Variants in HTR3D observed in about 807,000 individuals in gnomAD.
HTR3D encodes the protein 5-hydroxytryptamine (serotonin) receptor 3 family member D.
HTR3D carries 47 observed loss-of-function variants against 45.8 expected under a neutral mutation model. That is an observed-to-expected ratio of 1.03 (90% CI 0.81 to 1.31). The LOEUF (loss-of-function observed/expected upper bound fraction) is 1.31. Among genes scored for constraint, HTR3D ranks in the 50% most tolerant of loss-of-function variants. HTR3D has a pLI of 0.00. For missense variants in HTR3D, 448 were observed against 506.9 expected (o/e 0.88, Z 1.12); for synonymous variants, 203 against 199.8 (o/e 1.02, Z -0.13).
chr3:184,031,813 T>A lies in HTR3D; in HGVS notation c.66+6T>A, dbSNP rs75361486. The A allele has an allele frequency of 3.6e-3, 5,518 of 1,548,608 alleles. 90 individuals are homozygous for A. The African/African-American group carries it at 0.039, about 11-fold the overall frequency. On this transcript the variant is annotated splice_donor_region_variant and intron_variant, in intron 1 of 7. Coordinates refer to ENST00000428798, the MANE Select transcript of HTR3D (RefSeq NM_001145143.1). Reference sequence around the variant, plus strand: ...TCCTCCACCTGCTGCTGCAAGTACCTTAAGATAAGAGCAAGAGCTGAGCAG... The same window carrying A: ...TCCTCCACCTGCTGCTGCAAGTACCATAAGATAAGAGCAAGAGCTGAGCAG...
rs1722851539 is a variant in HTR3D, at chr3:184,035,196, G to A, written c.85G>A (p.Val29Met). The A allele has an allele frequency of 6.4e-7, 1 of 1,552,140 alleles. No individual in the cohort carries two copies. The highest frequency in any genetic ancestry group is 8.7e-7 in the Non-Finnish European group (1 of 1,147,094). ...ATTCCAGGATTCACACCTTCAACTG[G>A]TGACATCGTTCCTGTGGCTAAATAT... is the stretch of plus-strand genomic sequence containing the variant. ...LLLQDSHLQLVTSFLWLNMWN... is the reference protein window; with the variant it reads ...LLLQDSHLQLMTSFLWLNMWN... Residue 29 changes from valine (V) to methionine (M), a missense_variant, in exon 2 of 8, where the codon GTG (valine) becomes ATG (methionine). Physicochemically the swap from Val to Met is conservative, Grantham distance 21. Coordinates refer to ENST00000428798, the MANE Select transcript of HTR3D (RefSeq NM_001145143.1).
chr3:184,036,361 C>T lies in HTR3D; in HGVS notation c.198-14C>T. ...CAGCACCTACCTCCCTGTCCTTCTCCCACACAGCATCAGTGTGGATCAGAC... is the reference window on the plus strand; with the variant it reads ...CAGCACCTACCTCCCTGTCCTTCTCTCACACAGCATCAGTGTGGATCAGAC... On this transcript the variant is annotated splice_polypyrimidine_tract_variant and intron_variant, in intron 3 of 7. Coordinates refer to ENST00000428798, the MANE Select transcript of HTR3D (RefSeq NM_001145143.1). The T allele has an allele frequency of 6.2e-7, 1 of 1,613,518 alleles. No individual in the cohort carries two copies. Among genetic ancestry groups the T allele is most frequent in the East Asian group, 2.2e-5 (1 of 44,876 alleles).
chr3:184,031,844 T>G, intron 1 of HTR3D, 37 bp downstream of exon 1: 2 of 1,434,286 alleles, frequency 1.4e-6, no homozygotes, highest in African/African-American at 1.4e-5. Context: ...AGCAGACATG[T>G]AACTCCTGGG....
chr3:184,038,047 C>A lies in HTR3D; in HGVS notation c.543C>A (p.Pro181=). The A allele has an allele frequency of 6.2e-7, 1 of 1,614,206 alleles. No homozygotes were observed. The highest frequency in any genetic ancestry group is 1.3e-5 in the African/African-American group (1 of 75,044). ...TGGCCATCAGGCGCAGGTGCAGGCC[C>A]AGCCCCTACGTGGTAAACTTTCTGG... is the stretch of plus-strand genomic sequence containing the variant. ...FHVAIRRRCR[P]SPYVVNFLVP... is the part of the protein sequence containing the mutation. The change falls in exon 6 of 8, where the codon CCC becomes CCA. Residue 181 remains proline, a synonymous_variant. Coordinates refer to ENST00000428798, the MANE Select transcript of HTR3D (RefSeq NM_001145143.1). This position sits in a 1 kb window ranked among gnomAD's most constrained non-coding sequence, Gnocchi z 4.5.
At chr3:184,034,883 C>T (rs944865045) in intron 1 of HTR3D, among the ~76,000 whole-genome samples, 4 of 152,022 alleles carry the variant, frequency 2.6e-5, no homozygotes, top group African/African-American at 7.3e-5. Context: ...GTGCATTCGG[C>T]GGGGGTGAGG....
chr3:184,034,455 G>T (rs1444670341), intron 1 of HTR3D, among the ~76,000 whole-genome samples: 11 of 152,198 alleles, frequency 7.2e-5, no homozygotes, highest in African/African-American at 2.7e-4. Flanking sequence ...TTTAACGGGT[G>T]TAGAGTTTCC....
chr3:184,038,560 A>C lies in HTR3D; in HGVS notation c.921A>C (p.Arg307Ser), dbSNP rs1420482568. The C allele has an allele frequency of 1.2e-6, 2 of 1,613,698 alleles. No individual in the cohort carries two copies. Among genetic ancestry groups the C allele is most frequent in the African/African-American group, 2.7e-5 (2 of 74,836 alleles). ...SLLLHCTGQG[R>S]CCPTAPQKGN... Reference sequence around the variant, plus strand: ...TGCTGCACTGCACCGGCCAAGGGAGATGCTGTCCCACTGCGCCCCAGAAGG... The same window carrying C: ...TGCTGCACTGCACCGGCCAAGGGAGCTGCTGTCCCACTGCGCCCCAGAAGG... Residue 307 changes from arginine to serine, a missense_variant, in exon 7 of 8, where the codon AGA becomes AGC. Arg to Ser is a moderately radical substitution (Grantham distance 110). Coordinates refer to ENST00000428798, the MANE Select transcript of HTR3D (RefSeq NM_001145143.1). This position sits in a 1 kb window ranked among gnomAD's most constrained non-coding sequence, Gnocchi z 4.5.
intron 3 of HTR3D, 50 bp from the exon 4 acceptor site, chr3:184,036,325 G>A: frequency 6.2e-7 from 1 of 1,601,168 alleles, no homozygotes; most frequent in South Asian, 1.1e-5. Flanking sequence ...CAAGTCTGAT[G>A]GGGAAACCCA....
Position 184,038,075 on chromosome 3 carries a change from C to T in HTR3D, c.571C>T (p.Pro191Ser). Residue 191 changes from proline to serine, a missense_variant, in exon 6 of 8, where the codon CCC becomes TCC. Transcript: ENST00000428798. The surrounding 1 kb of genome is among the most constrained non-coding windows in gnomAD (Gnocchi z 4.5). Reference protein sequence around the residue: ...PSPYVVNFLVPSGILIAIDAL... With the variant: ...PSPYVVNFLVSSGILIAIDAL... The stretch of plus-strand genomic sequence containing the variant: ...CCCCTACGTGGTAAACTTTCTGGTG[C>T]CCAGTGGCATTCTGATTGCCATCGA... The T allele has an allele frequency of 6.2e-7, 1 of 1,614,140 alleles. No homozygotes were observed. The highest frequency in any genetic ancestry group is 1.6e-4 in the Middle Eastern group (1 of 6,062).
At chr3:184,033,004 C>G (rs1481620965) in intron 1 of HTR3D, 1 of 1,551,974 alleles carries the variant, frequency 6.4e-7, no homozygotes, top group Non-Finnish European at 8.7e-7. Flanking sequence ...CAGTCACCAA[C>G]TACAGTGTCG....
intron 1 of HTR3D, chr3:184,032,808 C>A: frequency 6.6e-7 from 1 of 1,515,154 alleles, no homozygotes. Flanking sequence ...CATGCTTCTC[C>A]CAGTGCCCCC....
At chr3:184,031,551 C>T (rs930934412), upstream of HTR3D, 1 of 548,856 alleles carries the variant, frequency 1.8e-6, no homozygotes. Flanking sequence ...AGGCTAGATT[C>T]AGGCCCAGTT....
At position 184,031,801 on chromosome 3, in the gene HTR3D, G is replaced by C; in HGVS notation, c.60G>C (p.Leu20=). 4.5e-6 allele frequency: 7 copies of C among 1,550,814 alleles called. No individual in the cohort carries two copies. The highest frequency in any genetic ancestry group is 5.2e-6 in the Non-Finnish European group (6 of 1,146,304). ...GFLLGFILHL[L]LQDSHLQLVT... ...TCCTTGGCTTCATCCTCCACCTGCT[G>C]CTGCAAGTACCTTAAGATAAGAGCA... The change falls in exon 1 of 8, where the codon CTG becomes CTC. Residue 20 remains leucine (L), a synonymous_variant. Transcript: ENST00000428798.
In HTR3D at chr3:184,036,872, C is replaced by G. The variant is rs7628229; in HGVS notation, c.492C>G (p.Asn164Lys). 14 of 1,551,498 alleles carry G rather than the reference C, an allele frequency of 9.0e-6. No individual in the cohort carries two copies. The highest frequency in any genetic ancestry group is 8.7e-7 in the Non-Finnish European group (1 of 1,146,906). ...KRTIKVTVAT[N>K]QYEQAIFHVA... Reference sequence around the variant, plus strand: ...CAATAAAGGTGACCGTGGCCACTAACCAGTATGAACAAGCCATCTTCCATG... The same window carrying G: ...CAATAAAGGTGACCGTGGCCACTAAGCAGTATGAACAAGCCATCTTCCATG... The change falls in exon 5 of 8, where the codon AAC (asparagine) becomes AAG (lysine). Residue 164 changes from asparagine to lysine, a missense_variant. By Grantham distance (94) the Asn-to-Lys change is moderately conservative. Coordinates refer to ENST00000428798, the MANE Select transcript of HTR3D (RefSeq NM_001145143.1).
chr3:184,038,611 C>T lies in HTR3D; in HGVS notation c.972C>T (p.Pro324=), dbSNP rs142357455. Reference sequence around the variant, plus strand: ...GAAATAAGGGCCCGGGTCTCACCCCCACCCACCTGCCCGGTGAGGGAAGTC... The same window carrying T: ...GAAATAAGGGCCCGGGTCTCACCCCTACCCACCTGCCCGGTGAGGGAAGTC... ...QKGNKGPGLT[P]THLPGVKEPE... is the part of the protein sequence containing the mutation. The change falls in exon 7 of 8, where the codon CCC becomes CCT. Residue 324 remains proline (P), a synonymous_variant. Coordinates refer to ENST00000428798, the MANE Select transcript of HTR3D (RefSeq NM_001145143.1). This position sits in a 1 kb window ranked among gnomAD's most constrained non-coding sequence, Gnocchi z 4.5. The T allele has an allele frequency of 1.2e-6, 2 of 1,613,438 alleles. No homozygotes were observed. The highest frequency in any genetic ancestry group is 1.7e-6 in the Non-Finnish European group (2 of 1,179,678).
intron 2 of HTR3D, among the ~76,000 whole-genome samples, chr3:184,035,708 G>A (rs1722866170): frequency 6.9e-6 from 1 of 145,496 alleles, no homozygotes; most frequent in South Asian, 2.2e-4. Flanking sequence ...TTTTTTTTGA[G>A]AGAGTCTCAC....
Position 184,038,107 on chromosome 3 carries a change from C to T in HTR3D, c.603C>T (p.Leu201=). Reference sequence around the variant, plus strand: ...GCATTCTGATTGCCATCGATGCCCTCAGTTTCTACCTGCCACTGGAAAGTG... The same window carrying T: ...GCATTCTGATTGCCATCGATGCCCTTAGTTTCTACCTGCCACTGGAAAGTG... ...PSGILIAIDA[L]SFYLPLESGN... Residue 201 remains leucine (L), a synonymous_variant, in exon 6 of 8, where the codon CTC becomes CTT. Transcript: ENST00000428798. The surrounding 1 kb of genome is among the most constrained non-coding windows in gnomAD (Gnocchi z 4.5). 1.9e-6 allele frequency: 3 copies of T among 1,614,180 alleles called. No homozygotes were observed. Among genetic ancestry groups the T allele is most frequent in the Non-Finnish European group, 2.5e-6 (3 of 1,180,028 alleles).
At position 184,036,778 on chromosome 3, in the gene HTR3D, T is replaced by C. The variant is rs1316869821; in HGVS notation, c.398T>C (p.Phe133Ser). The C allele has an allele frequency of 6.4e-7, 1 of 1,552,092 alleles. No individual in the cohort carries two copies. Among genetic ancestry groups the C allele is most frequent in the East Asian group, 2.4e-5 (1 of 40,912 alleles). Residue 133 changes from phenylalanine to serine, a missense_variant, in exon 5 of 8, where the codon TTT (phenylalanine) becomes TCT (serine). By Grantham distance (155) the Phe-to-Ser change is radical. Coordinates refer to ENST00000428798, the MANE Select transcript of HTR3D (RefSeq NM_001145143.1). ...TRAWRRMSRS[F>S]QIHHRTSFRT... ...GCATGGAGAAGGATGTCCAGGAGCT[T>C]TCAAATACATCACAGAACCTCATTC...
chr3:184,033,223 C>A (rs1467000616), intron 1 of HTR3D, among the ~76,000 whole-genome samples: 1 of 151,214 alleles, frequency 6.6e-6, no homozygotes, highest in Non-Finnish European at 1.5e-5. Flanking sequence ...CAGTTTCAAG[C>A]GATTCTCCTG....
Sources: gnomAD v4.1 joint callset for allele counts (sites outside exome capture counted in the v4.1 genomes callset) on GRCh38, gnomAD v4.1.1 for gene constraint, Gnocchi (gnomAD v3.1) non-coding constraint, MANE v1.5 for transcripts, NCBI Gene and HGNC (gene_info 2026-07-23, HGNC 2026-07-21) for gene names.